ROBO2: variants seen among roughly 807,000 people sequenced by gnomAD.
ROBO2 encodes the protein roundabout homolog 2.
A neutral mutation model predicts 160.8 loss-of-function variants in ROBO2; 53 were observed. The observed-to-expected ratio is 0.33, with a 90% CI of 0.26 to 0.41. The LOEUF (loss-of-function observed/expected upper bound fraction) is 0.41, where lower values mean the gene tolerates loss of function less well. ROBO2 is among the 10% of genes least tolerant of loss of function. The pLI, the probability that ROBO2 is intolerant of heterozygous loss-of-function variation, is 1.00. For missense variants in ROBO2, 1,577 were observed against 1,722.4 expected, an observed-to-expected ratio of 0.92 and a Z score of 1.49; for synonymous variants, 664 against 611.7, an observed-to-expected ratio of 1.09 and a Z score of -1.26.
At chr3:76,302,714 T>C (rs1709425357) in intron 2 of ROBO2, among the ~76,000 whole-genome samples, 1 of 152,140 alleles carries the variant, frequency 6.6e-6, no homozygotes. Flanking sequence ...CAATAGGCTG[T>C]GTCATATAAC....
intron 2 of ROBO2, among the ~76,000 whole-genome samples, chr3:76,855,519 A>G (rs2069961348): frequency 6.6e-6 from 1 of 152,234 alleles, no homozygotes; most frequent in Non-Finnish European, 1.5e-5. Context: ...TTCTCTTTTG[A>G]TAAGATTGCA....
At chr3:76,575,246 A>G (rs1426669775) in intron 2 of ROBO2, among the ~76,000 whole-genome samples, 2 of 152,054 alleles carry the variant, frequency 1.3e-5, no homozygotes, top group Non-Finnish European at 1.5e-5. Context: ...CAGTTTTAAT[A>G]TGCAGTGCAA....
intron 17 of ROBO2, among the ~76,000 whole-genome samples, chr3:77,591,574 A>G (rs999846948): frequency 1.3e-5 from 2 of 152,220 alleles, no homozygotes; most frequent in Non-Finnish European, 2.9e-5. Flanking sequence ...AACATTTTAA[A>G]TTGTGGTGTC....
intron 2 of ROBO2, among the ~76,000 whole-genome samples, chr3:76,603,347 AAAAAAT>A (rs1422384490): frequency 6.7e-5 from 3 of 45,058 alleles, no homozygotes; most frequent in African/African-American, 3.1e-4. Flanking sequence ...AAAAAAAAAA[AAAAAAT>A]ATATATATAT....
chr3:76,551,817 G>T (rs1222838716), intron 2 of ROBO2, among the ~76,000 whole-genome samples: 2 of 152,142 alleles, frequency 1.3e-5, no homozygotes, highest in Non-Finnish European at 2.9e-5. Flanking sequence ...ACCTGGAGCT[G>T]CCCACTGTGC....
chr3:77,419,286 G>A (rs538761611), intron 2 of ROBO2, among the ~76,000 whole-genome samples: 36 of 152,034 alleles, frequency 2.4e-4, no homozygotes, highest in South Asian at 6.2e-4. Context: ...AGCAATAACC[G>A]TCATGTATTG....
chr3:77,600,601 T>C (rs889586333), intron 19 of ROBO2, among the ~76,000 whole-genome samples: 2 of 152,126 alleles, frequency 1.3e-5, no homozygotes. Context: ...GTGTGTGAAA[T>C]TGGAGCTCAA....
chr3:77,529,549 T>C (rs922293238), intron 6 of ROBO2, among the ~76,000 whole-genome samples: 8 of 151,820 alleles, frequency 5.3e-5, no homozygotes, highest in Non-Finnish European at 1.2e-4. Flanking sequence ...GAATAGTATG[T>C]TAATAATTTC....
intron 2 of ROBO2, among the ~76,000 whole-genome samples, chr3:76,677,253 G>A (rs913584606): frequency 6.6e-6 from 1 of 152,036 alleles, no homozygotes; most frequent in African/African-American, 2.4e-5. Flanking sequence ...AGAGAAGAAG[G>A]AGGAACAGGA....
rs562737964 is a variant in ROBO2, at chr3:76,922,136, C to A, written c.110-175878C>A. 1.2e-4 allele frequency among the ~76,000 whole-genome samples: 19 copies of A among 152,214 alleles called. No homozygotes were observed. In the East Asian group the frequency reaches 3.5e-3, roughly 28 times the overall value. Reference sequence around the variant, plus strand: ...ACCATCCTGGCTAACATGGTGAAACCCCGTCTGCACTAAAAATACAAAAAG... The same window carrying A: ...ACCATCCTGGCTAACATGGTGAAACACCGTCTGCACTAAAAATACAAAAAG... On this transcript the variant is annotated intron_variant, in intron 2 of 26. Coordinates refer to the ROBO2 transcript ENST00000487694.
chr3:77,180,434 ATTTT>A (rs71104658), intron 2 of ROBO2, among the ~76,000 whole-genome samples: 847 of 81,672 alleles, frequency 0.01, 22 homozygotes, highest in African/African-American at 0.031. Flanking sequence ...ATATATATGT[ATTTT>A]TTTTTTTTTT....
chr3:77,276,346 A>T (rs937550082), intron 2 of ROBO2, among the ~76,000 whole-genome samples: 1 of 152,180 alleles, frequency 6.6e-6, no homozygotes, highest in Non-Finnish European at 1.5e-5. Flanking sequence ...TTGAAATGTT[A>T]CTACTACAGA....
At chr3:77,094,960 C>A (rs1218304396) in intron 1 of ROBO2, among the ~76,000 whole-genome samples, 2 of 151,968 alleles carry the variant, frequency 1.3e-5, no homozygotes, top group African/African-American at 2.4e-5. Flanking sequence ...ATATGATTTG[C>A]AGATTATTTT....
At chr3:76,195,208 G>A (rs548181564) in intron 2 of ROBO2, among the ~76,000 whole-genome samples, 4 of 152,092 alleles carry the variant, frequency 2.6e-5, no homozygotes, top group African/African-American at 7.2e-5. Flanking sequence ...TATTGGATTC[G>A]CTTTTCAGAT....
At chr3:76,194,353 A>ATAT (rs1553672736) in intron 2 of ROBO2, among the ~76,000 whole-genome samples, 9,890 of 93,940 alleles carry the variant, frequency 0.11, 1,110 homozygotes, top group African/African-American at 0.13. Flanking sequence ...ATGGTGTGTA[A>ATAT]ATATATATAT....
intron 2 of ROBO2, among the ~76,000 whole-genome samples, chr3:76,200,474 A>G (rs147353063): frequency 4.3e-4 from 66 of 152,288 alleles, no homozygotes; most frequent in South Asian, 2.7e-3. Flanking sequence ...TTAGCTCAAA[A>G]TAATTCATAT....
At chr3:76,471,939 G>A (rs1429200478) in intron 2 of ROBO2, among the ~76,000 whole-genome samples, 1 of 151,966 alleles carries the variant, frequency 6.6e-6, no homozygotes, top group East Asian at 1.9e-4. Flanking sequence ...CCGCCCTCAC[G>A]ATTCAGTGAC....
intron 2 of ROBO2, among the ~76,000 whole-genome samples, chr3:76,719,638 C>T (rs770191007): frequency 9.2e-5 from 14 of 152,162 alleles, no homozygotes; most frequent in Non-Finnish European, 5.9e-5. Context: ...ATTCCCAGCA[C>T]TTTGGGAGGC....
intron 2 of ROBO2, among the ~76,000 whole-genome samples, chr3:76,525,668 C>T (rs2081911032): frequency 6.6e-6 from 1 of 151,964 alleles, no homozygotes. Flanking sequence ...CTCTTATCTC[C>T]TCTAGACAGA....
Sources: gnomAD v4.1 joint callset for allele counts (sites outside exome capture counted in the v4.1 genomes callset) on GRCh38, gnomAD v4.1.1 for gene constraint, MANE v1.5 for transcripts, NCBI Gene and HGNC (gene_info 2026-07-23, HGNC 2026-07-21) for gene names.